Variants in GSE1 observed in about 807,000 individuals in gnomAD.
GSE1 encodes the protein Gse1 coiled-coil protein.
A neutral mutation model predicts 112.6 loss-of-function variants in GSE1; 32 were observed. The observed-to-expected ratio is 0.28, with a 90% CI of 0.21 to 0.38. The LOEUF (loss-of-function observed/expected upper bound fraction) is 0.38, where lower values mean the gene tolerates loss of function less well. Among genes scored for constraint, GSE1 ranks in the 10% least tolerant of loss-of-function variants. The pLI is 1.00. For synonymous variants in GSE1, 1,115 were observed against 735.6 expected (o/e 1.52, Z -8.35); for missense variants, 2,348 against 1,699.2 (o/e 1.38, Z -6.71).
intron 1 of GSE1, among the ~76,000 whole-genome samples, chr16:85,209,013 T>C (rs112621387): frequency 9.7e-5 from 14 of 144,336 alleles, no homozygotes; most frequent in African/African-American, 3.1e-4. Context: ...TGGGGTTCGC[T>C]GCGTGTTGGG....
chr16:85,172,859 A>G (rs1177643487), intron 1 of GSE1, among the ~76,000 whole-genome samples: 1 of 152,176 alleles, frequency 6.6e-6, no homozygotes. Context: ...TCTGGGGGAC[A>G]TGTTCACTTA....
At chr16:85,299,094 T>A (rs1223516676) in intron 1 of GSE1, among the ~76,000 whole-genome samples, 1 of 152,232 alleles carries the variant, frequency 6.6e-6, no homozygotes, top group Non-Finnish European at 1.5e-5. Context: ...TCAGTGAATA[T>A]GTGCAGTGAA....
At chr16:85,555,733 T>C (rs1306287519), upstream of GSE1, 1 of 968,044 alleles carries the variant, frequency 1.0e-6, no homozygotes, top group South Asian at 4.9e-5. Context: ...GAAACAGGTC[T>C]CTTGACCCTC....
At chr16:85,310,684 G>T (rs1049815744) in intron 1 of GSE1, among the ~76,000 whole-genome samples, 1 of 152,052 alleles carries the variant, frequency 6.6e-6, no homozygotes, top group Non-Finnish European at 1.5e-5. Context: ...AGGAGGGCCC[G>T]CTGGGGCCCA....
chr16:85,377,414 C>G (rs74034710), intron 2 of GSE1, among the ~76,000 whole-genome samples: 4,225 of 152,312 alleles, frequency 0.028, 194 homozygotes, highest in African/African-American at 0.096. Context: ...CTGGCTCCCT[C>G]AGATCCCTGG....
chr16:85,440,962 G>A (rs1426461675), intron 2 of GSE1, among the ~76,000 whole-genome samples: 3 of 152,226 alleles, frequency 2.0e-5, no homozygotes, highest in Non-Finnish European at 4.4e-5. Flanking sequence ...CCGGGGGTGG[G>A]CCTGAAATGC....
At chr16:85,189,883 T>C (rs765311328) in intron 1 of GSE1, among the ~76,000 whole-genome samples, 2 of 152,250 alleles carry the variant, frequency 1.3e-5, no homozygotes, top group Non-Finnish European at 2.9e-5. Flanking sequence ...ATTCCTGATA[T>C]TGGTGCCTAC....
rs1234160054 is a variant in GSE1, at chr16:85,478,063, A to G, written c.2464+120420A>G. Among the ~76,000 whole-genome samples the G allele has an allele frequency of 2.0e-5, 3 of 152,028 alleles. No homozygotes were observed. In the East Asian group the frequency reaches 5.8e-4, roughly 29 times the overall value. On this transcript the variant is annotated intron_variant, in intron 2 of 2. Coordinates refer to the GSE1 transcript ENST00000637419. ...GCACCCTGGCCTCGGACATCCACTCATCCGCTTTCTGTCTGTGGATTTCCC... is the reference window on the plus strand; with the variant it reads ...GCACCCTGGCCTCGGACATCCACTCGTCCGCTTTCTGTCTGTGGATTTCCC...
rs1374470308 is a variant in GSE1 at position 85,673,497 on chromosome 16, T to C, written c.*958T>C. 6.6e-6 allele frequency: 1 copy of C among 150,688 alleles called. No homozygotes were observed. The highest frequency in any genetic ancestry group is 2.4e-5 in the African/African-American group (1 of 40,924). 9.3% of individuals were successfully genotyped at this position (150,688 alleles called of 1,614,324 possible). On this transcript the variant is annotated 3_prime_UTR_variant, in exon 16 of 16. Transcript: ENST00000253458. ...TTTGGGCAAAAAAAAAAAAAAAACC[T>C]TGCTTTTAGTGTTTGTACTGCTGCT...
At position 85,489,793 on chromosome 16, in the gene GSE1, T is replaced by G. The variant is rs539816096; in HGVS notation, c.2464+132150T>G. ...TTGGGTTTTTGCAGATGTCATCGAG[T>G]TGAGATGAGGTCACATGGGACTAGG... is the stretch of plus-strand genomic sequence containing the variant. On this transcript the variant is annotated intron_variant, in intron 2 of 2. Coordinates refer to the GSE1 transcript ENST00000637419. 7 of 152,108 alleles carry G rather than the reference T, an allele frequency of 4.6e-5. 1 individual carries two copies. The highest frequency in any genetic ancestry group is 1.7e-4 in the African/African-American group (7 of 41,456). The allele number at this position is 152,108 out of a possible 1,614,324, so 9.4% of individuals were successfully genotyped here.
chr16:85,519,559 T>TCTCCACC (rs1567555809), intron 2 of GSE1, among the ~76,000 whole-genome samples: 5 of 9,252 alleles, frequency 5.4e-4, no homozygotes, highest in Non-Finnish European at 7.9e-4. Context: ...CCACCATCAC[T>TCTCCACC]ATCATCATCA....
rs140551313 is a variant in GSE1, at chr16:85,336,921, C to T, written c.2284-20542C>T. On this transcript the variant is annotated intron_variant, in intron 1 of 2. Coordinates refer to the GSE1 transcript ENST00000637419. ...ACACGTTCGTGTACACGCATGCCCA[C>T]ACAAATGCACACGCTGACATGCACA... 1.6e-4 allele frequency among the ~76,000 whole-genome samples: 25 copies of T among 152,374 alleles called. No homozygotes were observed. In the South Asian group the frequency reaches 3.7e-3, roughly 23 times the overall value.
In GSE1 at chr16:85,648,662, G is replaced by C. The variant is rs544831892; in HGVS notation, c.337G>C (p.Gly113Arg). Residue 113 changes from glycine (G) to arginine (R), a missense_variant, in exon 3 of 16, where the codon GGG (glycine) becomes CGG (arginine). Gly to Arg is a moderately radical substitution (Grantham distance 125). Coordinates refer to ENST00000253458, the MANE Select transcript of GSE1 (RefSeq NM_014615.5). Reference protein sequence around the residue: ...VPMGPIIVPPGGHSVPSTPPV... With the variant: ...VPMGPIIVPPRGHSVPSTPPV... ...CATGGGCCCTATCATCGTCCCCCCT[G>C]GGGGCCACAGCGTGCCCAGCACCCC... 1 of 1,602,516 alleles carries C rather than the reference G, an allele frequency of 6.2e-7. No homozygotes were observed. Among genetic ancestry groups the C allele is most frequent in the East Asian group, 2.2e-5 (1 of 44,502 alleles).
At chr16:85,452,328 G>A (rs955667056) in intron 2 of GSE1, among the ~76,000 whole-genome samples, 8 of 152,322 alleles carry the variant, frequency 5.3e-5, no homozygotes, top group Admixed American at 1.3e-4. Flanking sequence ...AGTGGGCCCC[G>A]GTAATTAACA....
intron 1 of GSE1, among the ~76,000 whole-genome samples, chr16:85,626,750 G>A (rs1385231263): frequency 1.3e-5 from 2 of 152,214 alleles, no homozygotes; most frequent in Non-Finnish European, 2.9e-5. Context: ...CGGGATGAAA[G>A]GAAGCAGTAA....
At chr16:85,196,780 C>T (rs192637413) in intron 1 of GSE1, among the ~76,000 whole-genome samples, 79 of 152,196 alleles carry the variant, frequency 5.2e-4, no homozygotes, top group African/African-American at 1.6e-3. Context: ...CATGTTTAGA[C>T]GGGGCGGGGG....
At chr16:85,295,217 G>T (rs138625770) in intron 1 of GSE1, among the ~76,000 whole-genome samples, 1 of 152,152 alleles carries the variant, frequency 6.6e-6, no homozygotes, top group Non-Finnish European at 1.5e-5. Flanking sequence ...CGCACACACC[G>T]GTCCACCTTC....
chr16:85,623,582 C>G (rs1262412516), intron 1 of GSE1, among the ~76,000 whole-genome samples: 1 of 152,232 alleles, frequency 6.6e-6, no homozygotes, highest in Non-Finnish European at 1.5e-5. Flanking sequence ...CCCCACAGCT[C>G]TCAGCCTTCA....
chr16:85,637,605 C>G (rs1048474208), intron 2 of GSE1, among the ~76,000 whole-genome samples: 1 of 152,194 alleles, frequency 6.6e-6, no homozygotes, highest in African/African-American at 2.4e-5. Context: ...GTGCTTCTCA[C>G]ACACCCTTCG....
Sources: gnomAD v4.1 joint callset for allele counts (sites outside exome capture counted in the v4.1 genomes callset) on GRCh38, gnomAD v4.1.1 for gene constraint, MANE v1.5 for transcripts, NCBI Gene and HGNC (gene_info 2026-07-23, HGNC 2026-07-21) for gene names.